The following L3MBTL4 variants were observed in gnomAD, a reference collection of about 807,000 sequenced individuals.
L3MBTL4 encodes the protein L3MBTL histone methyl-lysine binding protein 4, also known as lethal(3)malignant brain tumor-like protein 4.
In L3MBTL4, 70 loss-of-function variants were observed where a neutral mutation model predicts 84.5. The ratio of observed to expected loss-of-function variants is 0.83; its 90% confidence interval spans 0.68 to 1.01. L3MBTL4 has a LOEUF of 1.01. Ranked by LOEUF, L3MBTL4 falls within the 50% of genes least tolerant of loss-of-function variation. The pLI is 0.00. For missense variants in L3MBTL4, 715 were observed against 754.8 expected (o/e 0.95, Z 0.62); for synonymous variants, 274 against 259.8 (o/e 1.05, Z -0.52).
At chr18:6,366,717 T>C (rs955108404) in intron 1 of L3MBTL4, among the ~76,000 whole-genome samples, 2 of 152,212 alleles carry the variant, frequency 1.3e-5, no homozygotes, top group African/African-American at 4.8e-5. Context: ...ATGGACTATG[T>C]TGTGACAGGA....
chr18:6,160,956 T>C (rs1466974900), intron 13 of L3MBTL4, among the ~76,000 whole-genome samples: 1 of 152,134 alleles, frequency 6.6e-6, no homozygotes, highest in Non-Finnish European at 1.5e-5. Flanking sequence ...TTACATCAAG[T>C]GTGACTGGGA....
intron 16 of L3MBTL4, among the ~76,000 whole-genome samples, chr18:5,998,030 A>G (rs2054055504): frequency 1.3e-5 from 2 of 152,160 alleles, no homozygotes; most frequent in African/African-American, 4.8e-5. Context: ...TTTAGCCTCT[A>G]CCTACAACAA....
At chr18:6,098,012 C>G (rs1385873668) in intron 14 of L3MBTL4, among the ~76,000 whole-genome samples, 1 of 152,188 alleles carries the variant, frequency 6.6e-6, no homozygotes, top group East Asian at 1.9e-4. Flanking sequence ...TTGAACTCTT[C>G]CTATGTGGCT....
chr18:6,221,231 T>A (rs1316840402), intron 10 of L3MBTL4, among the ~76,000 whole-genome samples: 4 of 152,162 alleles, frequency 2.6e-5, no homozygotes, highest in Admixed American at 1.3e-4. Context: ...GGGTGACCTG[T>A]CCCTTAGGAA....
intron 14 of L3MBTL4, among the ~76,000 whole-genome samples, chr18:6,095,516 A>G (rs1367353776): frequency 6.6e-6 from 1 of 151,870 alleles, no homozygotes; most frequent in Non-Finnish European, 1.5e-5. Flanking sequence ...ACACCCGGCT[A>G]ATTTTTTGTA....
At chr18:6,028,180 T>G (rs2055600535) in intron 16 of L3MBTL4, among the ~76,000 whole-genome samples, 1 of 152,248 alleles carries the variant, frequency 6.6e-6, no homozygotes, top group African/African-American at 2.4e-5. Context: ...GTTTTACGTT[T>G]AAGTCTTAAT....
intron 12 of L3MBTL4, among the ~76,000 whole-genome samples, chr18:6,207,492 CAGCTCT>C (rs1358697266): frequency 1.3e-5 from 2 of 152,132 alleles, no homozygotes; most frequent in African/African-American, 4.8e-5. Context: ...TTGAGTGAGC[CAGCTCT>C]AGTACTGTCA....
chr18:5,956,210 G>A lies in L3MBTL4; in HGVS notation c.*10C>T. On this transcript the variant is annotated 3_prime_UTR_variant, in exon 19 of 19. Coordinates refer to ENST00000317931, the MANE Select transcript of L3MBTL4 (RefSeq NM_001330559.2). ...AGGTCTTGGTGCCAGAGGAAGTTCA[G>A]GGAGCCCATTCATCCCCTGACTTCT... 1 of 1,608,734 alleles carries A rather than the reference G, an allele frequency of 6.2e-7. No homozygotes were observed. The highest frequency in any genetic ancestry group is 1.8e-4 in the Middle Eastern group (1 of 5,466).
At chr18:6,405,923 T>C (rs2055716531) in intron 1 of L3MBTL4, among the ~76,000 whole-genome samples, 1 of 152,212 alleles carries the variant, frequency 6.6e-6, no homozygotes, top group South Asian at 2.1e-4. Flanking sequence ...GTCCTCCTAA[T>C]ATCATTTACA....
chr18:6,186,127 C>T (rs904250363), intron 12 of L3MBTL4, among the ~76,000 whole-genome samples: 2 of 151,988 alleles, frequency 1.3e-5, no homozygotes, highest in Non-Finnish European at 2.9e-5. Context: ...ATTCTCCTGC[C>T]TCAGCCTCCC....
At chr18:5,986,038 A>G (rs925728682) in intron 16 of L3MBTL4, among the ~76,000 whole-genome samples, 3 of 152,178 alleles carry the variant, frequency 2.0e-5, no homozygotes, top group Non-Finnish European at 4.4e-5. Context: ...GGAAATGAAA[A>G]GTGACCTGGC....
intron 14 of L3MBTL4, among the ~76,000 whole-genome samples, chr18:6,109,435 C>T (rs982592494): frequency 6.6e-6 from 1 of 152,086 alleles, no homozygotes; most frequent in South Asian, 2.1e-4. Context: ...TCCTGGGCAC[C>T]AGTGACAGCC....
intron 16 of L3MBTL4, among the ~76,000 whole-genome samples, chr18:5,971,994 G>A (rs2052662991): frequency 6.6e-6 from 1 of 152,188 alleles, no homozygotes; most frequent in African/African-American, 2.4e-5. Context: ...CAAACTATTT[G>A]AAGGGAAGCC....
chr18:6,313,428 T>C (rs396292), intron 1 of L3MBTL4, among the ~76,000 whole-genome samples: 28,125 of 152,138 alleles, frequency 0.18, 2,680 homozygotes, highest in Middle Eastern at 0.22. Flanking sequence ...AAAACACTTC[T>C]TTTCCACATA....
intron 5 of L3MBTL4, among the ~76,000 whole-genome samples, chr18:6,255,430 T>A (rs571300285): frequency 6.6e-6 from 1 of 152,334 alleles, no homozygotes; most frequent in South Asian, 2.1e-4. Flanking sequence ...ACACAGATTC[T>A]AAATGTAGGA....
At chr18:6,179,455 T>G (rs2044369024) in intron 12 of L3MBTL4, among the ~76,000 whole-genome samples, 1 of 152,236 alleles carries the variant, frequency 6.6e-6, no homozygotes, top group Non-Finnish European at 1.5e-5. Context: ...TCATCTTACT[T>G]CCTGTGATGC....
intron 4 of L3MBTL4, among the ~76,000 whole-genome samples, chr18:6,293,562 C>T (rs7241700): frequency 0.19 from 28,743 of 152,034 alleles, 2,852 homozygotes; most frequent in African/African-American, 0.24. Context: ...AATGATATTT[C>T]TAGTTTTGAA....
In L3MBTL4 at chr18:6,243,293, C is replaced by A; in HGVS notation, c.460+1G>T. On this transcript the variant is annotated splice_donor_variant, in intron 7 of 18. Transcript: ENST00000317931. LOFTEE classifies it high-confidence loss of function. Reference sequence around the variant, plus strand: ...CAGTTGGTAAATGTATCCTGGCTTACCCTTAGGGATGTGCAGTTCATGTTT... The same window carrying A: ...CAGTTGGTAAATGTATCCTGGCTTAACCTTAGGGATGTGCAGTTCATGTTT... The A allele has an allele frequency of 6.3e-7, 1 of 1,575,928 alleles. No homozygotes were observed. The highest frequency in any genetic ancestry group is 8.6e-7 in the Non-Finnish European group (1 of 1,163,046).
chr18:6,164,037 T>G (rs2043505329), intron 13 of L3MBTL4, among the ~76,000 whole-genome samples: 1 of 152,246 alleles, frequency 6.6e-6, no homozygotes, highest in Admixed American at 6.5e-5. Context: ...GATTATATCC[T>G]GCACCTGGCT....
Sources: gnomAD v4.1 joint callset for allele counts (sites outside exome capture counted in the v4.1 genomes callset) on GRCh38, gnomAD v4.1.1 for gene constraint, MANE v1.5 for transcripts, NCBI Gene and HGNC (gene_info 2026-07-23, HGNC 2026-07-21) for gene names.